Variants in DLGAP1 observed in about 807,000 individuals in gnomAD.
DLGAP1 encodes the protein disks large-associated protein 1.
DLGAP1 carries 11 observed loss-of-function variants against 90.8 expected under a neutral mutation model. The observed-to-expected ratio is 0.12, with a 90% confidence interval of 0.08 to 0.20. The LOEUF is 0.20. DLGAP1 is among the 10% of genes least tolerant of loss of function. The pLI, the probability that DLGAP1 is intolerant of heterozygous loss-of-function variation, is 1.00. For missense variants in DLGAP1, 1,050 were observed against 1,333.8 expected (o/e 0.79, Z 3.31); for synonymous variants, 558 against 540.7 (o/e 1.03, Z -0.44).
chr18:3,600,881 GATAGATAT>G (rs1469690083), intron 7 of DLGAP1, among the ~76,000 whole-genome samples: 7 of 9,918 alleles, frequency 7.1e-4, no homozygotes, highest in Non-Finnish European at 1.7e-3. Flanking sequence ...TAGATATATA[GATAGATAT>G]ATAGATATAT....
chr18:3,517,539 C>G lies in DLGAP1; in HGVS notation c.2480-8878G>C, dbSNP rs368625835. On this transcript the variant is annotated intron_variant, in intron 10 of 12. Transcript: ENST00000315677. This position sits in a 1 kb window ranked among gnomAD's most constrained non-coding sequence, Gnocchi z 4.1. ...TTTCATAGAATTGAAGAGAGTTGGC[C>G]GGGCGCGGTGGCTCATGCCTGTAAT... 1.3e-5 allele frequency among the ~76,000 whole-genome samples: 2 copies of G among 152,124 alleles called. No individual in the cohort carries two copies. Among genetic ancestry groups the G allele is most frequent in the Non-Finnish European group, 2.9e-5 (2 of 68,036 alleles).
chr18:3,720,175 T>C (rs1011908205), intron 7 of DLGAP1, among the ~76,000 whole-genome samples: 24 of 152,186 alleles, frequency 1.6e-4, no homozygotes, highest in African/African-American at 5.8e-4. Context: ...TGTCATATAT[T>C]AGAGATAACT....
At chr18:4,003,496 C>T (rs1361591007) in intron 3 of DLGAP1, among the ~76,000 whole-genome samples, 1 of 131,854 alleles carries the variant, frequency 7.6e-6, no homozygotes, top group Non-Finnish European at 1.6e-5. Flanking sequence ...GTTGTTATTC[C>T]TGCTTAAAGT....
intron 1 of DLGAP1, among the ~76,000 whole-genome samples, chr18:4,240,820 G>T (rs2078518619): frequency 6.6e-6 from 1 of 152,148 alleles, no homozygotes; most frequent in African/African-American, 2.4e-5. Context: ...CTGTTGAAAA[G>T]ATCAACAAAT....
At chr18:3,847,346 C>G (rs1428098984) in intron 4 of DLGAP1, among the ~76,000 whole-genome samples, 5 of 152,132 alleles carry the variant, frequency 3.3e-5, no homozygotes, top group African/African-American at 7.2e-5. Flanking sequence ...GTGGGATGCT[C>G]TTGAAGACTA....
intron 2 of DLGAP1, among the ~76,000 whole-genome samples, chr18:4,095,234 C>T (rs972092883): frequency 2.6e-5 from 4 of 151,908 alleles, no homozygotes; most frequent in African/African-American, 7.3e-5. Context: ...ATTTTTTTTC[C>T]GGTTTCATAA....
At position 3,499,043 on chromosome 18, in the gene DLGAP1, C is replaced by A; in HGVS notation, c.*142G>T. ...AGGGGGGCCCGGGGGGCGGCTCCTG[C>A]GAGGTGGACAACTACACCGCGACAG... On this transcript the variant is annotated 3_prime_UTR_variant, in exon 13 of 13. Coordinates refer to ENST00000315677, the MANE Select transcript of DLGAP1 (RefSeq NM_004746.4). This position sits in a 1 kb window ranked among gnomAD's most constrained non-coding sequence, Gnocchi z 6.4. 3 of 724,768 alleles carry A rather than the reference C, an allele frequency of 4.1e-6. No homozygotes were observed. Among genetic ancestry groups the A allele is most frequent in the Non-Finnish European group, 6.4e-6 (3 of 469,612 alleles). The allele number at this position is 724,768 out of a possible 1,614,324, so 44.9% of individuals were successfully genotyped here. A position where few individuals can be genotyped will look rare whatever the true frequency, so the allele number is the denominator to read the frequency against.
At chr18:4,112,815 T>C (rs939735674) in intron 2 of DLGAP1, among the ~76,000 whole-genome samples, 3 of 152,186 alleles carry the variant, frequency 2.0e-5, no homozygotes, top group Non-Finnish European at 4.4e-5. Context: ...TATATCCATG[T>C]GTATCCAATA....
intron 3 of DLGAP1, among the ~76,000 whole-genome samples, chr18:3,948,489 C>T (rs1243667036): frequency 6.6e-6 from 1 of 152,220 alleles, no homozygotes; most frequent in African/African-American, 2.4e-5. Flanking sequence ...CTCTCCAGCA[C>T]TGCAGATAAG....
At chr18:4,089,564 A>G (rs1362435872) in intron 2 of DLGAP1, among the ~76,000 whole-genome samples, 1 of 152,246 alleles carries the variant, frequency 6.6e-6, no homozygotes, top group East Asian at 1.9e-4. Context: ...CTACAAGGCT[A>G]CAGTAACCAA....
intron 1 of DLGAP1, among the ~76,000 whole-genome samples, chr18:4,353,473 G>C (rs16946562): frequency 0.17 from 25,468 of 152,098 alleles, 2,262 homozygotes; most frequent in East Asian, 0.29. Context: ...TGCAACCTCC[G>C]TGTGATTGGC....
chr18:4,005,196 T>G lies in DLGAP1; in HGVS notation c.-153A>C, dbSNP rs1044544510. On this transcript the variant is annotated 5_prime_UTR_variant, in exon 3 of 13. Coordinates refer to ENST00000315677, the MANE Select transcript of DLGAP1 (RefSeq NM_004746.4). The stretch of plus-strand genomic sequence containing the variant: ...GGCATTCAGTGGATCCCAGAAGAGA[T>G]TTAGCCTGTTGGGAGCATAATGCAT... The G allele has an allele frequency of 8.5e-5, 13 of 152,204 alleles. No homozygotes were observed. The highest frequency in any genetic ancestry group is 1.9e-4 in the Non-Finnish European group (13 of 68,008). 9.4% of individuals were successfully genotyped at this position (152,204 alleles called of 1,614,324 possible).
intron 2 of DLGAP1, among the ~76,000 whole-genome samples, chr18:4,111,942 T>C (rs1366649239): frequency 6.6e-6 from 1 of 150,932 alleles, no homozygotes; most frequent in Non-Finnish European, 1.5e-5. Flanking sequence ...TATTCTGTAA[T>C]AAAATAACAT....
At chr18:3,880,874 C>T (rs953273423) in intron 3 of DLGAP1, among the ~76,000 whole-genome samples, 4 of 132,796 alleles carry the variant, frequency 3.0e-5, no homozygotes, top group East Asian at 5.4e-4. Context: ...ACCTGGGAGG[C>T]GGAGCTTGCA....
chr18:4,086,745 C>A (rs557932117), intron 2 of DLGAP1, among the ~76,000 whole-genome samples: 5 of 151,886 alleles, frequency 3.3e-5, no homozygotes, highest in South Asian at 4.2e-4. Flanking sequence ...GCTCCATATG[C>A]ACTTAAAAAG....
intron 2 of DLGAP1, among the ~76,000 whole-genome samples, chr18:4,014,949 T>G (rs923377057): frequency 8.5e-5 from 13 of 152,158 alleles, no homozygotes; most frequent in African/African-American, 3.1e-4. Flanking sequence ...CTTTCATCTT[T>G]TAGTTCATAT....
At chr18:4,155,196 T>C (rs902195696) in intron 1 of DLGAP1, among the ~76,000 whole-genome samples, 3 of 152,066 alleles carry the variant, frequency 2.0e-5, no homozygotes, top group Non-Finnish European at 4.4e-5. Context: ...TGTTCCTGGT[T>C]GGTCTTGGGA....
intron 5 of DLGAP1, among the ~76,000 whole-genome samples, chr18:3,787,091 T>G (rs1253571853): frequency 6.6e-6 from 1 of 151,984 alleles, no homozygotes; most frequent in East Asian, 1.9e-4. Flanking sequence ...AACTTAGGTT[T>G]CTAAAAACAA....
Position 4,244,655 on chromosome 18 carries a change from G to C in DLGAP1, c.-266-93368C>G, listed in dbSNP as rs117907908. Among the ~76,000 whole-genome samples the C allele has an allele frequency of 5.7e-3, 865 of 152,216 alleles. 8 individuals are homozygous for C. The highest frequency in any genetic ancestry group is 0.02 in the African/African-American group (827 of 41,528). On this transcript the variant is annotated intron_variant, in intron 1 of 12. Transcript: ENST00000315677. ...TCCCCTCCCGAGCCCAAATATTTAA[G>C]AGACAATGGATCAGTTACATGATCT...
Sources: gnomAD v4.1 joint callset for allele counts (sites outside exome capture counted in the v4.1 genomes callset) on GRCh38, gnomAD v4.1.1 for gene constraint, Gnocchi (gnomAD v3.1) non-coding constraint, MANE v1.5 for transcripts, NCBI Gene and HGNC (gene_info 2026-07-23, HGNC 2026-07-21) for gene names.